DSCAM: variants seen among roughly 807,000 people sequenced by gnomAD.
The protein encoded by DSCAM is DS cell adhesion molecule, also known as cell adhesion molecule DSCAM.
A neutral mutation model predicts 217.7 loss-of-function variants in DSCAM; 47 were observed. That is an observed-to-expected ratio of 0.22 (90% CI 0.17 to 0.28). The LOEUF (loss-of-function observed/expected upper bound fraction) is 0.28, where lower values mean the gene tolerates loss of function less well. Ranked by LOEUF, DSCAM falls within the 10% of genes least tolerant of loss-of-function variation. The pLI is 1.00. For missense variants in DSCAM, 2,080 were observed against 2,618.3 expected (o/e 0.79, Z 4.49); for synonymous variants, 1,056 against 1,015.3 (o/e 1.04, Z -0.76).
At chr21:40,750,686 A>T (rs1419357318) in intron 1 of DSCAM, among the ~76,000 whole-genome samples, 5 of 151,724 alleles carry the variant, frequency 3.3e-5, no homozygotes, top group Non-Finnish European at 5.9e-5. Flanking sequence ...GAAACCGAAC[A>T]TTCTTTTTAC....
At chr21:40,138,255 G>A (rs931034112) in intron 18 of DSCAM, among the ~76,000 whole-genome samples, 33 of 151,964 alleles carry the variant, frequency 2.2e-4, no homozygotes, top group African/African-American at 6.5e-4. Flanking sequence ...GGGTGTGTGT[G>A]GTGTTTGTGG....
chr21:40,836,880 A>G (rs1601329569), intron 1 of DSCAM, among the ~76,000 whole-genome samples: 1 of 152,288 alleles, frequency 6.6e-6, no homozygotes, highest in Middle Eastern at 3.4e-3. Context: ...GGGATTAGAA[A>G]CACCTGGGGA....
At chr21:40,259,336 T>C (rs967466689) in intron 11 of DSCAM, among the ~76,000 whole-genome samples, 1 of 151,994 alleles carries the variant, frequency 6.6e-6, no homozygotes, top group Non-Finnish European at 1.5e-5. Flanking sequence ...CCTCTTGCCA[T>C]AGGGCCTTTT....
intron 1 of DSCAM, among the ~76,000 whole-genome samples, chr21:40,779,225 A>G (rs2091518347): frequency 6.6e-6 from 1 of 152,030 alleles, no homozygotes; most frequent in Admixed American, 6.6e-5. Flanking sequence ...TTTTGGGCTG[A>G]AGTATGAAAG....
intron 10 of DSCAM, among the ~76,000 whole-genome samples, chr21:40,278,730 G>A (rs1250965302): frequency 1.3e-5 from 2 of 151,944 alleles, no homozygotes; most frequent in Non-Finnish European, 2.9e-5. Context: ...GGAAGAGGAG[G>A]AAGAGAAGGA....
intron 28 of DSCAM, among the ~76,000 whole-genome samples, chr21:40,061,891 T>C (rs1158820982): frequency 6.6e-6 from 1 of 152,228 alleles, no homozygotes; most frequent in East Asian, 1.9e-4. Flanking sequence ...AAACTGGCAA[T>C]GTTGAGTTCA....
At chr21:40,023,381 C>G (rs956742300) in intron 32 of DSCAM, among the ~76,000 whole-genome samples, 2 of 151,882 alleles carry the variant, frequency 1.3e-5, no homozygotes, top group African/African-American at 2.4e-5. Context: ...TGGGTATATA[C>G]CCAGTAATGG....
intron 1 of DSCAM, among the ~76,000 whole-genome samples, chr21:40,788,905 A>G (rs2091615756): frequency 6.6e-6 from 1 of 152,248 alleles, no homozygotes; most frequent in African/African-American, 2.4e-5. Context: ...TTCAGCAACC[A>G]TATAGCACCA....
chr21:40,281,200 T>A (rs1238683060), intron 10 of DSCAM, among the ~76,000 whole-genome samples: 1 of 152,196 alleles, frequency 6.6e-6, no homozygotes, highest in African/African-American at 2.4e-5. Context: ...TTAGGTAAGT[T>A]ACATAATATT....
chr21:40,252,746 T>TGAA (rs1162339788), intron 11 of DSCAM, among the ~76,000 whole-genome samples: 1 of 152,158 alleles, frequency 6.6e-6, no homozygotes, highest in African/African-American at 2.4e-5. Flanking sequence ...TCCTTAAACT[T>TGAA]TTTTCAAGAC....
intron 8 of DSCAM, among the ~76,000 whole-genome samples, chr21:40,320,433 C>T (rs1276658692): frequency 8.9e-6 from 1 of 111,760 alleles, no homozygotes; most frequent in Non-Finnish European, 1.9e-5. Flanking sequence ...TTGTATCACA[C>T]AATTTTTTTA....
chr21:40,773,129 C>T (rs1428064356), intron 1 of DSCAM, among the ~76,000 whole-genome samples: 2 of 152,240 alleles, frequency 1.3e-5, no homozygotes, highest in Admixed American at 1.3e-4. Flanking sequence ...CCCACCTAAC[C>T]CTTGTTCAAC....
rs749781848 is a variant in DSCAM at position 40,156,287 on chromosome 21, CAGAGAGAGAGAGAGAGAGAG to C, written c.3018+10911_3018+10930del. ...GGAAGCTGTGACAGTCAAACTAAGA[CAGAGAGAGAGAGAGAGAGAG>C]AGAGAGAGAGAGAGAGAGAGAGAGA... is the stretch of plus-strand genomic sequence containing the variant. On this transcript the variant is annotated intron_variant, in intron 16 of 32. Coordinates refer to ENST00000400454, the MANE Select transcript of DSCAM (RefSeq NM_001389.5). Among the ~76,000 whole-genome samples, 310 of 75,752 alleles carry C rather than the reference CAGAGAGAGAGAGAGAGAGAG, an allele frequency of 4.1e-3. 1 individual carries two copies. The highest frequency in any genetic ancestry group is 0.011 in the Middle Eastern group (1 of 88). The allele number at this position is 75,752 out of a possible 152,430, so 49.7% of individuals were successfully genotyped here. A position where few individuals can be genotyped will look rare whatever the true frequency, so the allele number is the denominator to read the frequency against.
Position 40,595,377 on chromosome 21 carries a change from C to CA in DSCAM, c.508+97432dup, listed in dbSNP as rs199670743. 3.2e-3 allele frequency among the ~76,000 whole-genome samples: 294 copies of CA among 90,770 alleles called. 2 individuals carry two copies. The highest frequency in any genetic ancestry group is 0.011 in the African/African-American group (277 of 25,504). 59.5% of individuals were successfully genotyped at this position (90,770 alleles called of 152,430 possible). Reference sequence around the variant, plus strand: ...TGGGTGACAAAGTGAGATCCTGTCTCAAAAAAAAAGAAAAGAAAAGAGGAA... The same window carrying CA: ...TGGGTGACAAAGTGAGATCCTGTCTCAAAAAAAAAAGAAAAGAAAAGAGGAA... On this transcript the variant is annotated intron_variant, in intron 3 of 32. Coordinates refer to ENST00000400454, the MANE Select transcript of DSCAM (RefSeq NM_001389.5).
At chr21:40,291,673 T>G (rs1218380895) in intron 10 of DSCAM, among the ~76,000 whole-genome samples, 1 of 152,216 alleles carries the variant, frequency 6.6e-6, no homozygotes, top group Non-Finnish European at 1.5e-5. Flanking sequence ...AGGACTCATC[T>G]GTCTTTAAGT....
intron 10 of DSCAM, among the ~76,000 whole-genome samples, chr21:40,279,157 A>T (rs2123391468): frequency 6.6e-6 from 1 of 152,324 alleles, no homozygotes; most frequent in South Asian, 2.1e-4. Context: ...ACAGTATTTT[A>T]TTATCTCTTC....
At chr21:40,723,153 G>A (rs1264669424) in intron 1 of DSCAM, among the ~76,000 whole-genome samples, 2 of 149,934 alleles carry the variant, frequency 1.3e-5, no homozygotes, top group Non-Finnish European at 3.0e-5. Context: ...TTGTTGAGAT[G>A]TAGGTTGCAT....
chr21:40,056,880 C>A (rs904260560), intron 28 of DSCAM, among the ~76,000 whole-genome samples: 2 of 152,174 alleles, frequency 1.3e-5, no homozygotes, highest in Non-Finnish European at 2.9e-5. Flanking sequence ...ATTTTAAATG[C>A]TTTCCCCTCT....
intron 20 of DSCAM, among the ~76,000 whole-genome samples, chr21:40,098,735 T>C (rs1006634478): frequency 4.6e-5 from 7 of 152,206 alleles, no homozygotes; most frequent in African/African-American, 1.4e-4. Context: ...TGTCAGATAA[T>C]TACTTATTGT....
Sources: allele counts gnomAD v4.1 joint callset (sites outside exome capture counted in the v4.1 genomes callset), GRCh38; gene constraint gnomAD v4.1.1; transcripts MANE v1.5; gene names NCBI Gene and HGNC (gene_info 2026-07-23, HGNC 2026-07-21).